The following CDH23 variants were observed in gnomAD, a reference collection of about 807,000 sequenced individuals.
CDH23 encodes the protein cadherin related 23.
A neutral mutation model predicts 317.1 loss-of-function variants in CDH23; 189 were observed. That is an observed-to-expected ratio of 0.60 (90% CI 0.53 to 0.67). The LOEUF (loss-of-function observed/expected upper bound fraction) is 0.67, where lower values mean the gene tolerates loss of function less well. Ranked by LOEUF, CDH23 falls within the 30% of genes least tolerant of loss-of-function variation. The pLI, the probability that CDH23 is intolerant of heterozygous loss-of-function variation, is 0.00. For synonymous variants in CDH23, 1,839 were observed against 1,876.8 expected (o/e 0.98, Z 0.52); for missense variants, 4,401 against 4,592.4 (o/e 0.96, Z 1.20).
chr10:71,774,135 G>A (rs746823450), intron 38 of CDH23, among the ~76,000 whole-genome samples: 10 of 151,514 alleles, frequency 6.6e-5, no homozygotes, highest in Non-Finnish European at 7.4e-5. Flanking sequence ...TCCCTACCCC[G>A]GGACACACAC....
intron 6 of CDH23, among the ~76,000 whole-genome samples, chr10:71,542,716 G>C (rs909386272): frequency 1.3e-5 from 2 of 152,248 alleles, no homozygotes; most frequent in African/African-American, 4.8e-5. Flanking sequence ...TGCCTCCACA[G>C]CCTGGTGCCC....
intron 41 of CDH23, among the ~76,000 whole-genome samples, chr10:71,781,309 T>G (rs1288228680): frequency 6.6e-6 from 1 of 152,214 alleles, no homozygotes; most frequent in Non-Finnish European, 1.5e-5. Context: ...TGTTCGGACA[T>G]GCTACCCTTT....
At chr10:71,773,504 G>A (rs1430860991) in intron 38 of CDH23, 6 of 1,492,592 alleles carry the variant, frequency 4.0e-6, no homozygotes, top group Admixed American at 4.0e-5. Flanking sequence ...GCCGGCGCGG[G>A]GAAGCCTCCC....
chr10:71,808,399 C>T (rs1425420083), intron 60 of CDH23, among the ~76,000 whole-genome samples: 1 of 152,124 alleles, frequency 6.6e-6, no homozygotes, highest in Non-Finnish European at 1.5e-5. Context: ...ATCCTGCTTT[C>T]ATTCATCTGT....
chr10:71,644,776 G>A (rs1479581584), intron 12 of CDH23, among the ~76,000 whole-genome samples: 2 of 152,240 alleles, frequency 1.3e-5, no homozygotes, highest in African/African-American at 2.4e-5. Flanking sequence ...TGCACCATAA[G>A]CCAGAGCCTC....
chr10:71,688,407 G>T (rs1025519876), intron 19 of CDH23, among the ~76,000 whole-genome samples: 1 of 152,282 alleles, frequency 6.6e-6, no homozygotes, highest in African/African-American at 2.4e-5. Flanking sequence ...TGGAGTCAGG[G>T]ACATTGGAGT....
rs112432688 is a variant in CDH23 at position 71,459,014 on chromosome 10, C to T, written c.145+12619C>T. On this transcript the variant is annotated intron_variant, in intron 3 of 69. Coordinates refer to ENST00000224721, the MANE Select transcript of CDH23 (RefSeq NM_022124.6). ...GTGTTAGCCAGGATGGTCTCGATCT[C>T]GACCTTGTGATCCAGCCCGCCCTGG... 3.2e-3 allele frequency among the ~76,000 whole-genome samples: 477 copies of T among 149,438 alleles called. 3 individuals carry two copies. Among genetic ancestry groups the T allele is most frequent in the African/African-American group, 0.011 (458 of 40,970 alleles).
At chr10:71,539,327 G>A (rs1373274364) in intron 6 of CDH23, among the ~76,000 whole-genome samples, 3 of 152,102 alleles carry the variant, frequency 2.0e-5, no homozygotes, top group African/African-American at 4.8e-5. Context: ...CCCACCTATA[G>A]CCTGGCACTC....
intron 9 of CDH23, among the ~76,000 whole-genome samples, chr10:71,596,714 C>T: frequency 6.6e-6 from 1 of 152,246 alleles, no homozygotes; most frequent in African/African-American, 2.4e-5. Flanking sequence ...GGGAATGGGT[C>T]ACAAAGTTGT....
intron 1 of CDH23, among the ~76,000 whole-genome samples, chr10:71,430,685 C>G (rs1849330264): frequency 6.6e-6 from 1 of 152,094 alleles, no homozygotes; most frequent in African/African-American, 2.4e-5. Flanking sequence ...TGGTGGGAGC[C>G]TGTACTCCCA....
chr10:71,454,608 G>A (rs1157078702), intron 3 of CDH23, among the ~76,000 whole-genome samples: 1 of 152,112 alleles, frequency 6.6e-6, no homozygotes, highest in Non-Finnish European at 1.5e-5. Flanking sequence ...AAGCCAACTT[G>A]GGTATGTGTC....
At chr10:71,432,357 G>C (rs1199058437) in intron 1 of CDH23, among the ~76,000 whole-genome samples, 1 of 150,816 alleles carries the variant, frequency 6.6e-6, no homozygotes, top group Non-Finnish European at 1.5e-5. Context: ...GTGAGTGTGA[G>C]AGTCTGGGTG....
At chr10:71,712,605 C>T (rs2132759991) in intron 27 of CDH23, 60 bp from the exon 28 acceptor site, 2 of 1,593,630 alleles carry the variant, frequency 1.3e-6, no homozygotes, top group East Asian at 4.5e-5. Context: ...TGCAAAGTCA[C>T]AGGAAGTGTG....
chr10:71,785,639 C>A lies in CDH23; in HGVS notation c.5721C>A (p.Ile1907=), dbSNP rs777270336. 40 of 1,594,414 alleles carry A rather than the reference C, an allele frequency of 2.5e-5. No homozygotes were observed. The East Asian group carries it at 8.9e-4, about 35-fold the overall frequency. ...RAFFINATTG[I]VTVNRPLDRE... ...CACCCTCCACATCCCAGACAGGGAT[C>A]GTCACTGTGAACCGGCCCCTGGACC... is the stretch of plus-strand genomic sequence containing the variant. Residue 1907 remains isoleucine (I), a synonymous_variant, in exon 44 of 70, where the codon ATC becomes ATA. Transcript: ENST00000224721.
chr10:71,628,837 C>T (rs1209831677), intron 11 of CDH23, among the ~76,000 whole-genome samples: 3 of 152,248 alleles, frequency 2.0e-5, no homozygotes, highest in Non-Finnish European at 2.9e-5. Context: ...CACAGGTTTA[C>T]ATCCCAGGTT....
chr10:71,784,613 C>T (rs1490355467), intron 42 of CDH23, among the ~76,000 whole-genome samples, 193 bp downstream of exon 42: 1 of 152,210 alleles, frequency 6.6e-6, no homozygotes, highest in Non-Finnish European at 1.5e-5. Context: ...TGCCTTTCAG[C>T]GCCCCTCTGC....
intron 14 of CDH23, among the ~76,000 whole-genome samples, chr10:71,653,100 C>G (rs1863253717): frequency 6.6e-6 from 1 of 152,074 alleles, no homozygotes; most frequent in South Asian, 2.1e-4. Flanking sequence ...CAGGACTTCA[C>G]TTCCCCCTCC....
intron 28 of CDH23, among the ~76,000 whole-genome samples, chr10:71,718,192 C>G (rs6480548): frequency 0.12 from 17,623 of 152,206 alleles, 1,885 homozygotes; most frequent in East Asian, 0.28. Context: ...TGTCAGGTCA[C>G]GCTCAGAGAA....
intron 22 of CDH23, among the ~76,000 whole-genome samples, chr10:71,698,002 A>G (rs1865456650): frequency 6.6e-6 from 1 of 152,212 alleles, no homozygotes. Flanking sequence ...CAAAATTAAA[A>G]CTTGTTATAT....
Sources: allele counts gnomAD v4.1 joint callset (sites outside exome capture counted in the v4.1 genomes callset), GRCh38; gene constraint gnomAD v4.1.1; transcripts MANE v1.5; gene names NCBI Gene and HGNC (gene_info 2026-07-23, HGNC 2026-07-21).